LRP1B: variants seen among roughly 807,000 people sequenced by gnomAD.
LRP1B encodes LDL receptor related protein 1B.
Under a neutral mutation model 556.6 loss-of-function variants are expected in LRP1B, and 217 were observed. That is an observed-to-expected ratio of 0.39 (90% CI 0.35 to 0.44). The LOEUF (loss-of-function observed/expected upper bound fraction) is 0.44. Among genes scored for constraint, LRP1B ranks in the 20% least tolerant of loss-of-function variants. LRP1B has a pLI of 1.00. For synonymous variants in LRP1B, 2,047 were observed against 1,865.8 expected (o/e 1.10, Z -2.50); for missense variants, 5,053 against 5,620.8 (o/e 0.90, Z 3.23).
chr2:141,961,987 C>A (rs908486785), intron 1 of LRP1B, among the ~76,000 whole-genome samples: 5 of 151,690 alleles, frequency 3.3e-5, no homozygotes, highest in African/African-American at 9.7e-5. Context: ...GATTTCTCAA[C>A]AAAGACTATT....
At chr2:141,334,651 A>G (rs910646757) in intron 3 of LRP1B, among the ~76,000 whole-genome samples, 1 of 152,174 alleles carries the variant, frequency 6.6e-6, no homozygotes, top group Non-Finnish European at 1.5e-5. Context: ...TCCCAGGATC[A>G]AGTGATTCTC....
chr2:141,051,183 T>A (rs1699024765), intron 10 of LRP1B, among the ~76,000 whole-genome samples: 1 of 151,806 alleles, frequency 6.6e-6, no homozygotes, highest in South Asian at 2.1e-4. Context: ...TTGGTGGGAG[T>A]GTAAATTAGT....
chr2:140,642,768 C>T (rs550450269), intron 41 of LRP1B, among the ~76,000 whole-genome samples: 45 of 152,188 alleles, frequency 3.0e-4, no homozygotes, highest in African/African-American at 1.1e-3. Context: ...GGCGTGAACC[C>T]GGGAGGCGGA....
At chr2:141,941,868 C>A (rs540178022) in intron 1 of LRP1B, among the ~76,000 whole-genome samples, 1 of 152,240 alleles carries the variant, frequency 6.6e-6, no homozygotes, top group African/African-American at 2.4e-5. Flanking sequence ...TATATCCTTG[C>A]TAATAAAATG....
chr2:141,280,002 G>C (rs1685451255), intron 3 of LRP1B, among the ~76,000 whole-genome samples: 1 of 152,010 alleles, frequency 6.6e-6, no homozygotes, highest in African/African-American at 2.4e-5. Flanking sequence ...GCAGATTTGT[G>C]CTTCTACAGA....
intron 1 of LRP1B, among the ~76,000 whole-genome samples, chr2:141,884,992 T>C (rs1489671985): frequency 6.6e-6 from 1 of 152,198 alleles, no homozygotes; most frequent in East Asian, 1.9e-4. Flanking sequence ...TGTTATGCTA[T>C]GGTAGATATC....
At chr2:141,831,799 C>A (rs1697120757) in intron 1 of LRP1B, among the ~76,000 whole-genome samples, 1 of 151,508 alleles carries the variant, frequency 6.6e-6, no homozygotes, top group African/African-American at 2.4e-5. Flanking sequence ...TGGGGGCGCT[C>A]AAAAAATATT....
intron 3 of LRP1B, among the ~76,000 whole-genome samples, chr2:141,447,184 T>C (rs546248155): frequency 6.6e-6 from 1 of 151,842 alleles, no homozygotes; most frequent in African/African-American, 2.4e-5. Flanking sequence ...CTGATATCCT[T>C]TCTTCTGCTT....
chr2:141,928,268 A>G (rs544865797), intron 1 of LRP1B, among the ~76,000 whole-genome samples: 1 of 152,298 alleles, frequency 6.6e-6, no homozygotes, highest in African/African-American at 2.4e-5. Context: ...TATTCTCCCT[A>G]TCCTCAGAAA....
chr2:141,953,204 T>C (rs1253819623), intron 1 of LRP1B, among the ~76,000 whole-genome samples: 1 of 152,084 alleles, frequency 6.6e-6, no homozygotes. Context: ...GATTTTGTAA[T>C]ATTGTAGAAA....
intron 1 of LRP1B, among the ~76,000 whole-genome samples, chr2:141,866,753 C>T (rs1176208178): frequency 1.4e-5 from 2 of 140,986 alleles, no homozygotes; most frequent in African/African-American, 5.3e-5. Context: ...GGAGAGGAAA[C>T]AAAACTGGAA....
intron 2 of LRP1B, among the ~76,000 whole-genome samples, chr2:141,536,959 C>T (rs916291890): frequency 6.6e-6 from 1 of 151,752 alleles, no homozygotes; most frequent in Non-Finnish European, 1.5e-5. Flanking sequence ...CCATACCTAT[C>T]CTCTTGCAAT....
intron 3 of LRP1B, among the ~76,000 whole-genome samples, chr2:141,278,774 G>A (rs911738962): frequency 1.3e-5 from 2 of 152,110 alleles, no homozygotes; most frequent in Non-Finnish European, 2.9e-5. Flanking sequence ...GCCTAAACTG[G>A]TCTTCTGTTT....
At position 141,291,855 on chromosome 2, in the gene LRP1B, C is replaced by CAAAAAAAAAAAAAAAAAAAAAAAAAAAA. The variant is rs143819331; in HGVS notation, c.344-37242_344-37215dup. Among the ~76,000 whole-genome samples the CAAAAAAAAAAAAAAAAAAAAAAAAAAAA allele has an allele frequency of 2.0e-5, 2 of 99,334 alleles. 1 individual carries two copies. Among genetic ancestry groups the CAAAAAAAAAAAAAAAAAAAAAAAAAAAA allele is most frequent in the African/African-American group, 9.0e-5 (2 of 22,178 alleles). The allele number at this position is 99,334 out of a possible 152,430, so 65.2% of individuals were successfully genotyped here. A position where few individuals can be genotyped will look rare whatever the true frequency, so the allele number is the denominator to read the frequency against. On this transcript the variant is annotated intron_variant, in intron 3 of 90. Transcript: ENST00000389484. ...TGGGCGAAAGAGCGAGACTCTGTCT[C>CAAAAAAAAAAAAAAAAAAAAAAAAAAAA]AAAAAAAAAAAAAAAAAAAAAAAAA...
chr2:140,830,292 A>C (rs1691669732), intron 31 of LRP1B, among the ~76,000 whole-genome samples: 1 of 151,958 alleles, frequency 6.6e-6, no homozygotes, highest in South Asian at 2.1e-4. Context: ...GTTAAAACCA[A>C]AGACATGACA....
intron 41 of LRP1B, among the ~76,000 whole-genome samples, chr2:140,689,723 C>G (rs1686171558): frequency 6.6e-6 from 1 of 152,156 alleles, no homozygotes; most frequent in Non-Finnish European, 1.5e-5. Flanking sequence ...TCTGTTCATC[C>G]TTCTATCCAT....
intron 3 of LRP1B, among the ~76,000 whole-genome samples, chr2:141,321,474 G>C (rs181992226): frequency 4.5e-4 from 69 of 152,150 alleles, no homozygotes; most frequent in African/African-American, 1.7e-3. Context: ...AAGAATATGA[G>C]GTCCTTTTTT....
intron 27 of LRP1B, among the ~76,000 whole-genome samples, chr2:140,865,174 C>G (rs541465474): frequency 1.2e-3 from 182 of 152,082 alleles, no homozygotes; most frequent in African/African-American, 4.2e-3. Flanking sequence ...AAATATTCTG[C>G]TTAAATATCC....
At chr2:141,029,033 T>C (rs1171252248) in intron 11 of LRP1B, among the ~76,000 whole-genome samples, 1 of 151,860 alleles carries the variant, frequency 6.6e-6, no homozygotes, top group African/African-American at 2.4e-5. Context: ...GGCAAAGACG[T>C]CTAGGACTTA....
Sources: gnomAD v4.1 joint callset for allele counts (sites outside exome capture counted in the v4.1 genomes callset) on GRCh38, gnomAD v4.1.1 for gene constraint, MANE v1.5 for transcripts, NCBI Gene and HGNC (gene_info 2026-07-23, HGNC 2026-07-21) for gene names.